Variants in ELAVL2 observed in about 807,000 individuals in gnomAD.
ELAVL2 encodes ELAV-like protein 2.
A neutral mutation model predicts 34.6 loss-of-function variants in ELAVL2; 4 were observed. The observed-to-expected ratio is 0.12, with a 90% CI of 0.06 to 0.26. ELAVL2 has a LOEUF of 0.26. Ranked by LOEUF, ELAVL2 falls within the 10% of genes least tolerant of loss-of-function variation. The pLI, the probability that ELAVL2 is intolerant of heterozygous loss-of-function variation, is 1.00. For synonymous variants in ELAVL2, 193 were observed against 154.8 expected, an observed-to-expected ratio of 1.25 and a Z score of -1.83; for missense variants, 432 against 442.8, an observed-to-expected ratio of 0.98 and a Z score of 0.22.
intron 3 of ELAVL2, among the ~76,000 whole-genome samples, chr9:23,719,183 C>T (rs7038303): frequency 2.0e-5 from 3 of 152,088 alleles, no homozygotes; most frequent in Admixed American, 1.3e-4. Flanking sequence ...AGAATCCCGT[C>T]CTGAGATATT....
At chr9:23,693,071 C>A (rs1053231385) in intron 6 of ELAVL2, among the ~76,000 whole-genome samples, 187 bp from the exon 7 acceptor site, 1 of 152,290 alleles carries the variant, frequency 6.6e-6, no homozygotes, top group Non-Finnish European at 1.5e-5. Context: ...TGCTAGACTA[C>A]TGAGATATTA....
chr9:23,738,107 G>A (rs1355752664), intron 2 of ELAVL2, among the ~76,000 whole-genome samples: 1 of 152,148 alleles, frequency 6.6e-6, no homozygotes, highest in East Asian at 1.9e-4. Flanking sequence ...CTCATTATGT[G>A]TGTCTGTTCA....
chr9:23,763,130 A>G (rs968880199), intron 1 of ELAVL2, among the ~76,000 whole-genome samples: 12 of 152,106 alleles, frequency 7.9e-5, no homozygotes, highest in African/African-American at 2.9e-4. Flanking sequence ...ACTTTTGCAA[A>G]CAGACCAGCC....
chr9:23,691,041 A>T lies in ELAVL2; in HGVS notation c.*1516T>A, dbSNP rs1448687878. ...ATACTCATTTTTTTATACCACAAAC[A>T]TATTTATAAACCAAAATGTAGCATC... On this transcript the variant is annotated 3_prime_UTR_variant, in exon 7 of 7. Coordinates refer to ENST00000397312, the MANE Select transcript of ELAVL2 (RefSeq NM_004432.5). 6.6e-6 allele frequency: 1 copy of T among 152,566 alleles called. No homozygotes were observed. Among genetic ancestry groups the T allele is most frequent in the Non-Finnish European group, 1.5e-5 (1 of 67,996 alleles). The allele number at this position is 152,566 out of a possible 1,614,324, so 9.5% of individuals were successfully genotyped here. A position where few individuals can be genotyped will look rare whatever the true frequency, so the allele number is the denominator to read the frequency against.
At chr9:23,799,266 C>T (rs542433324) in intron 1 of ELAVL2, among the ~76,000 whole-genome samples, 193 of 152,278 alleles carry the variant, frequency 1.3e-3, no homozygotes, top group South Asian at 1.9e-3. Context: ...GGAGTAGCAC[C>T]AAACCTTCCC....
At chr9:23,706,422 C>T (rs544277223) in intron 3 of ELAVL2, among the ~76,000 whole-genome samples, 62 of 152,294 alleles carry the variant, frequency 4.1e-4, no homozygotes, top group African/African-American at 1.4e-3. Flanking sequence ...AGATCCACAA[C>T]GGCTTACTGA....
intron 2 of ELAVL2, among the ~76,000 whole-genome samples, chr9:23,749,433 G>A (rs543854705): frequency 3.9e-5 from 6 of 152,214 alleles, no homozygotes; most frequent in African/African-American, 1.2e-4. Flanking sequence ...TTAGCATAAC[G>A]AGTGTTAGAA....
intron 1 of ELAVL2, among the ~76,000 whole-genome samples, chr9:23,786,305 T>C (rs1438023369): frequency 1.3e-5 from 2 of 152,174 alleles, no homozygotes; most frequent in Non-Finnish European, 2.9e-5. Flanking sequence ...AAAGATCTAA[T>C]TTATATTGAG....
intron 1 of ELAVL2, among the ~76,000 whole-genome samples, chr9:23,818,815 T>A (rs2064105913): frequency 6.6e-6 from 1 of 152,218 alleles, no homozygotes; most frequent in South Asian, 2.1e-4. Context: ...AATGGTAAAG[T>A]CAGTCTTGAT....
At chr9:23,765,006 G>C in intron 1 of ELAVL2, 1 of 1,609,160 alleles carries the variant, frequency 6.2e-7, no homozygotes, top group South Asian at 1.1e-5. Context: ...AAATCCCACA[G>C]ACCCCGGTCC....
At chr9:23,766,586 G>A (rs183117644) in intron 1 of ELAVL2, among the ~76,000 whole-genome samples, 1 of 152,190 alleles carries the variant, frequency 6.6e-6, no homozygotes, top group East Asian at 1.9e-4. Context: ...AAGCCCCAGG[G>A]AGGTGAACAA....
intron 4 of ELAVL2, among the ~76,000 whole-genome samples, chr9:23,702,207 CTCT>C (rs2037499067): frequency 6.6e-6 from 1 of 152,116 alleles, no homozygotes; most frequent in Non-Finnish European, 1.5e-5. Flanking sequence ...CTCTGAAGCT[CTCT>C]TGTGCTTCTG....
At chr9:23,710,679 G>A (rs769672024) in intron 3 of ELAVL2, among the ~76,000 whole-genome samples, 6 of 152,128 alleles carry the variant, frequency 3.9e-5, no homozygotes, top group Non-Finnish European at 8.8e-5. Context: ...AATCTCTCCA[G>A]CTGAAAGGTC....
At chr9:23,839,967 C>G in the ELAVL2 span, among the ~76,000 whole-genome samples, 1 of 152,118 alleles carries the variant, frequency 6.6e-6, no homozygotes, top group Non-Finnish European at 1.5e-5. Context: ...TTGGAAATTA[C>G]AGCTATAAAA....
At chr9:23,794,827 G>C (rs777705438) in intron 1 of ELAVL2, among the ~76,000 whole-genome samples, 1 of 152,150 alleles carries the variant, frequency 6.6e-6, no homozygotes, top group Non-Finnish European at 1.5e-5. Context: ...ATATGGCAGA[G>C]TATGCATTAA....
At chr9:23,705,776 C>T (rs1264947146) in intron 3 of ELAVL2, among the ~76,000 whole-genome samples, 1 of 152,190 alleles carries the variant, frequency 6.6e-6, no homozygotes, top group Non-Finnish European at 1.5e-5. Flanking sequence ...GCTGGCTCAC[C>T]TGCTGCTCAC....
At chr9:23,717,791 CTT>C (rs2042693176) in intron 3 of ELAVL2, among the ~76,000 whole-genome samples, 1 of 152,160 alleles carries the variant, frequency 6.6e-6, no homozygotes, top group African/African-American at 2.4e-5. Flanking sequence ...AAGGCTACCT[CTT>C]GTCTTATTTT....
At chr9:23,828,707 G>A (rs748142710), upstream of ELAVL2, among the ~76,000 whole-genome samples, 1 of 151,572 alleles carries the variant, frequency 6.6e-6, no homozygotes, top group African/African-American at 2.4e-5. Flanking sequence ...TAGGTGAGAT[G>A]GACTTAAATT....
At chr9:23,774,805 T>G (rs569705781) in intron 1 of ELAVL2, among the ~76,000 whole-genome samples, 67 of 152,174 alleles carry the variant, frequency 4.4e-4, no homozygotes, top group Non-Finnish European at 9.0e-4. Context: ...TGTACTTATA[T>G]TCAGATTTAC....
Sources: allele counts gnomAD v4.1 joint callset (sites outside exome capture counted in the v4.1 genomes callset), GRCh38; gene constraint gnomAD v4.1.1; transcripts MANE v1.5; gene names NCBI Gene and HGNC (gene_info 2026-07-23, HGNC 2026-07-21).